Variants in SAMD3 observed in about 807,000 individuals in gnomAD.
SAMD3 encodes sterile alpha motif domain-containing protein 3.
Under a neutral mutation model 58.5 loss-of-function variants are expected in SAMD3, and 63 were observed. The observed-to-expected ratio is 1.08, with a 90% CI of 0.88 to 1.33. The LOEUF (loss-of-function observed/expected upper bound fraction) is 1.33. Among genes scored for constraint, SAMD3 ranks in the 40% most tolerant of loss-of-function variants. SAMD3 has a pLI of 0.00. For missense variants in SAMD3, 604 were observed against 608.4 expected, an observed-to-expected ratio of 0.99 and a Z score of 0.08; for synonymous variants, 220 against 210.3, an observed-to-expected ratio of 1.05 and a Z score of -0.40.
At chr6:130,231,491 G>A (rs1796547803) in intron 2 of SAMD3, among the ~76,000 whole-genome samples, 2 of 152,134 alleles carry the variant, frequency 1.3e-5, no homozygotes, top group Admixed American at 1.3e-4. Context: ...TTGAACCTGG[G>A]AGGCGGAGGT....
chr6:130,357,118 CTTTT>C (rs1169066063), intron 1 of SAMD3, among the ~76,000 whole-genome samples: 93 of 91,734 alleles, frequency 1.0e-3, no homozygotes, highest in African/African-American at 3.8e-3. Flanking sequence ...GCCATGGCAT[CTTTT>C]TTTTTTTTTT....
chr6:130,172,076 A>G (rs576838066), intron 8 of SAMD3, among the ~76,000 whole-genome samples: 120 of 151,960 alleles, frequency 7.9e-4, no homozygotes, highest in Non-Finnish European at 1.4e-3. Context: ...ATATTCCTCC[A>G]TCCCTTTGTT....
intron 2 of SAMD3, among the ~76,000 whole-genome samples, chr6:130,243,972 A>G (rs1215405723): frequency 6.6e-6 from 1 of 152,178 alleles, no homozygotes; most frequent in East Asian, 1.9e-4. Flanking sequence ...GCCTAGATAA[A>G]AGAGTAGGTA....
At chr6:130,197,435 G>T (rs1387361758) in intron 5 of SAMD3, among the ~76,000 whole-genome samples, 1 of 152,144 alleles carries the variant, frequency 6.6e-6, no homozygotes, top group Non-Finnish European at 1.5e-5. Flanking sequence ...AATCTTTGCT[G>T]GTAGGACTAT....
At chr6:130,146,330 C>T (rs1004683385) in intron 9 of SAMD3, 149 bp from the exon 10 acceptor site, 20 of 424,788 alleles carry the variant, frequency 4.7e-5, no homozygotes, top group Non-Finnish European at 6.5e-5. Context: ...AGAATTAAAG[C>T]CTTAGGATGA....
rs1294417996 is a variant in SAMD3 at position 130,350,174 on chromosome 6, C to T, written c.-304+14946G>A. Among the ~76,000 whole-genome samples, 11 of 152,138 alleles carry T rather than the reference C, an allele frequency of 7.2e-5. 1 individual carries two copies. Among genetic ancestry groups the T allele is most frequent in the South Asian group, 2.1e-4 (1 of 4,832 alleles). On this transcript the variant is annotated intron_variant, in intron 1 of 13. Transcript: ENST00000368134. ...TGAAAACTGGCACAAGACAGGGATG[C>T]CCTCTCTCACCACTCCTATTCAACA... is the stretch of plus-strand genomic sequence containing the variant.
intron 8 of SAMD3, among the ~76,000 whole-genome samples, chr6:130,172,656 A>T (rs2114656947): frequency 6.6e-6 from 1 of 151,904 alleles, no homozygotes; most frequent in East Asian, 1.9e-4. Flanking sequence ...CTTCGTTTCA[A>T]CCCTGGTGAG....
chr6:130,204,738 G>A (rs891446612), intron 5 of SAMD3, among the ~76,000 whole-genome samples: 1 of 148,226 alleles, frequency 6.7e-6, no homozygotes, highest in African/African-American at 2.5e-5. Flanking sequence ...GTCATTCTAA[G>A]AGCCAGAGTC....
chr6:130,360,281 A>T (rs1410430315), intron 1 of SAMD3, among the ~76,000 whole-genome samples: 1 of 152,198 alleles, frequency 6.6e-6, no homozygotes, highest in Non-Finnish European at 1.5e-5. Context: ...GTTCCAAAAG[A>T]AATGTGTGAA....
intron 5 of SAMD3, among the ~76,000 whole-genome samples, chr6:130,197,007 T>A (rs975858552): frequency 6.6e-6 from 1 of 152,200 alleles, no homozygotes; most frequent in Non-Finnish European, 1.5e-5. Context: ...TTATATCCCT[T>A]ACGGTCCTCC....
upstream of SAMD3, among the ~76,000 whole-genome samples, chr6:130,226,759 C>T (rs552072920): frequency 1.4e-4 from 22 of 152,018 alleles, no homozygotes; most frequent in East Asian, 1.5e-3. Flanking sequence ...ACCTGGGAAG[C>T]GGAGGTTGCA....
At chr6:130,288,959 TG>T in intron 2 of SAMD3, among the ~76,000 whole-genome samples, 1 of 152,360 alleles carries the variant, frequency 6.6e-6, no homozygotes, top group East Asian at 1.9e-4. Flanking sequence ...CATCACCCTT[TG>T]GTTAACTTCT....
At chr6:130,180,504 ACAAACAAG>A (rs1206471749) in intron 7 of SAMD3, among the ~76,000 whole-genome samples, 1 of 152,096 alleles carries the variant, frequency 6.6e-6, no homozygotes, top group Non-Finnish European at 1.5e-5. Flanking sequence ...ACCAAAACAA[ACAAACAAG>A]CAAACAAATA....
intron 5 of SAMD3, among the ~76,000 whole-genome samples, chr6:130,194,749 A>G (rs535381058): frequency 2.0e-5 from 3 of 152,190 alleles, no homozygotes; most frequent in Non-Finnish European, 4.4e-5. Context: ...CCCAGAGCCC[A>G]TGGAACTCTG....
At chr6:130,340,414 A>G (rs1015146699) in intron 1 of SAMD3, among the ~76,000 whole-genome samples, 1 of 152,170 alleles carries the variant, frequency 6.6e-6, no homozygotes, top group African/African-American at 2.4e-5. Context: ...TCTTTTGCTT[A>G]TAAGGATCCT....
chr6:130,291,682 A>T (rs1243452518), intron 2 of SAMD3, among the ~76,000 whole-genome samples: 2 of 152,222 alleles, frequency 1.3e-5, no homozygotes, highest in African/African-American at 4.8e-5. Flanking sequence ...TTTGCTAATA[A>T]TCATGTGATT....
intron 5 of SAMD3, among the ~76,000 whole-genome samples, chr6:130,202,936 G>C (rs1292657327): frequency 6.6e-6 from 1 of 152,084 alleles, no homozygotes; most frequent in Non-Finnish European, 1.5e-5. Flanking sequence ...TGGTGACTGG[G>C]CTTCTCTAAT....
intron 1 of SAMD3, chr6:130,221,442 A>G (rs116124081): frequency 0.029 from 4,393 of 152,506 alleles, 127 homozygotes; most frequent in African/African-American, 0.075. Flanking sequence ...ATTTGCAAGT[A>G]ACTTTTGACT....
chr6:130,183,627 A>G, intron 7 of SAMD3: 2 of 324,170 alleles, frequency 6.2e-6, no homozygotes, highest in South Asian at 5.2e-5. Flanking sequence ...AATTTTAGCA[A>G]CTTTATATGC....
Sources: allele counts gnomAD v4.1 joint callset (sites outside exome capture counted in the v4.1 genomes callset), GRCh38; gene constraint gnomAD v4.1.1; transcripts MANE v1.5; gene names NCBI Gene and HGNC (gene_info 2026-07-23, HGNC 2026-07-21).